NDFIP2: variants seen among roughly 807,000 people sequenced by gnomAD.
NDFIP2 encodes Nedd4 family interacting protein 2, also known as NEDD4 family-interacting protein 2.
NDFIP2 carries 19 observed loss-of-function variants against 36.0 expected under a neutral mutation model. That is an observed-to-expected ratio of 0.53 (90% CI 0.37 to 0.77). The LOEUF (loss-of-function observed/expected upper bound fraction) is 0.77, where lower values mean the gene tolerates loss of function less well. Ranked by LOEUF, NDFIP2 falls within the 30% of genes least tolerant of loss-of-function variation. NDFIP2 has a pLI of 0.00. For missense variants in NDFIP2, 446 were observed against 435.8 expected, an observed-to-expected ratio of 1.02 and a Z score of -0.21; for synonymous variants, 181 against 167.7, an observed-to-expected ratio of 1.08 and a Z score of -0.61.
intron 1 of NDFIP2, among the ~76,000 whole-genome samples, chr13:79,519,699 A>ATT (rs1874489113): frequency 6.6e-6 from 1 of 152,220 alleles, no homozygotes; most frequent in East Asian, 1.9e-4. Flanking sequence ...TTTTATTAGC[A>ATT]TTTATTAACT....
At chr13:79,539,214 G>A (rs776866455) in intron 3 of NDFIP2, among the ~76,000 whole-genome samples, 5 of 151,842 alleles carry the variant, frequency 3.3e-5, no homozygotes, top group Non-Finnish European at 5.9e-5. Flanking sequence ...GAGGGAATAT[G>A]TGTGTGTGTG....
intron 3 of NDFIP2, among the ~76,000 whole-genome samples, chr13:79,537,159 ATGCAGTAG>A (rs1161537082): frequency 6.6e-6 from 1 of 151,980 alleles, no homozygotes; most frequent in East Asian, 1.9e-4. Flanking sequence ...CTAGGCTGGA[ATGCAGTAG>A]TGCAATCTCA....
At chr13:79,516,738 G>A (rs1231717547) in intron 1 of NDFIP2, among the ~76,000 whole-genome samples, 1 of 152,014 alleles carries the variant, frequency 6.6e-6, no homozygotes, top group Non-Finnish European at 1.5e-5. Flanking sequence ...ACAAGAAGAG[G>A]TCACATTGCT....
At chr13:79,516,645 T>G (rs1874351606) in intron 1 of NDFIP2, among the ~76,000 whole-genome samples, 1 of 152,212 alleles carries the variant, frequency 6.6e-6, no homozygotes, top group Non-Finnish European at 1.5e-5. Flanking sequence ...TCACTTTTTT[T>G]TACTACTTTA....
chr13:79,485,372 C>T (rs931126471), intron 1 of NDFIP2, among the ~76,000 whole-genome samples: 11 of 152,244 alleles, frequency 7.2e-5, no homozygotes, highest in Non-Finnish European at 1.6e-4. Flanking sequence ...GCTTTACACA[C>T]ACTCAGCAAG....
chr13:79,510,200 CT>C (rs751887820), intron 1 of NDFIP2, among the ~76,000 whole-genome samples: 6 of 151,070 alleles, frequency 4.0e-5, no homozygotes, highest in African/African-American at 9.7e-5. Context: ...TAAGAGTGTA[CT>C]TTTTTTTTGA....
intron 3 of NDFIP2, among the ~76,000 whole-genome samples, chr13:79,538,902 G>C (rs991719229): frequency 6.6e-6 from 1 of 152,140 alleles, no homozygotes; most frequent in Non-Finnish European, 1.5e-5. Flanking sequence ...TTGACTCCAC[G>C]TCTCACATCC....
chr13:79,497,677 T>TC (rs530300561), intron 1 of NDFIP2, among the ~76,000 whole-genome samples: 12,506 of 147,076 alleles, frequency 0.085, 697 homozygotes, highest in Middle Eastern at 0.24. Context: ...TTTTTTTTTT[T>TC]CTATTCCTTG....
intron 6 of NDFIP2, among the ~76,000 whole-genome samples, chr13:79,549,967 T>G (rs914112676): frequency 6.6e-6 from 1 of 151,840 alleles, no homozygotes; most frequent in African/African-American, 2.4e-5. Context: ...CACACATGCT[T>G]CTTGTTTTTA....
At chr13:79,485,927 A>G (rs373068691) in intron 1 of NDFIP2, among the ~76,000 whole-genome samples, 3 of 152,262 alleles carry the variant, frequency 2.0e-5, no homozygotes, top group African/African-American at 7.2e-5. Context: ...AATTGTTTGC[A>G]TCGTGTGAAT....
Position 79,555,897 on chromosome 13 carries a change from TATC to T in NDFIP2, c.*3387_*3389del, listed in dbSNP as rs1417607011. On this transcript the variant is annotated 3_prime_UTR_variant, in exon 8 of 8. Transcript: ENST00000218652. ...CAAAATCAGTTTAAGATTCGCATAT[TATC>T]ATGACTGTGACCTCACTAAACTGTT... The T allele has an allele frequency of 1.3e-5, 2 of 152,176 alleles. No individual in the cohort carries two copies. The highest frequency in any genetic ancestry group is 2.9e-5 in the Non-Finnish European group (2 of 68,004). The allele number at this position is 152,176 out of a possible 1,614,324, so 9.4% of individuals were successfully genotyped here. A position where few individuals can be genotyped will look rare whatever the true frequency, so the allele number is the denominator to read the frequency against.
intron 3 of NDFIP2, among the ~76,000 whole-genome samples, chr13:79,533,863 A>G (rs765146894): frequency 1.3e-5 from 2 of 152,184 alleles, no homozygotes; most frequent in South Asian, 2.1e-4. Flanking sequence ...TTTCTACCGC[A>G]TGCAGGTGGG....
intron 4 of NDFIP2, among the ~76,000 whole-genome samples, chr13:79,541,254 G>A (rs58379158): frequency 0.043 from 6,516 of 151,724 alleles, 485 homozygotes; most frequent in African/African-American, 0.15. Context: ...TTATTTCTCC[G>A]TTTATTTCAC....
At chr13:79,543,130 G>A (rs1305555292) in intron 4 of NDFIP2, among the ~76,000 whole-genome samples, 1 of 152,154 alleles carries the variant, frequency 6.6e-6, no homozygotes, top group Non-Finnish European at 1.5e-5. Context: ...CCCTGCCTTG[G>A]CCTCCCAAAG....
rs1325270991 is a variant in NDFIP2 at position 79,543,417 on chromosome 13, A to G, written c.716-141A>G. Reference sequence around the variant, plus strand: ...AAGCCATTTGCAAAAAGTAGGCTATAGTCTATAAAGAAGGCTTAATTGGCA... The same window carrying G: ...AAGCCATTTGCAAAAAGTAGGCTATGGTCTATAAAGAAGGCTTAATTGGCA... On this transcript the variant is annotated intron_variant, in intron 4 of 7. Coordinates refer to ENST00000218652, the MANE Select transcript of NDFIP2 (RefSeq NM_019080.3). 5 of 1,035,706 alleles carry G rather than the reference A, an allele frequency of 4.8e-6. No homozygotes were observed. In the East Asian group the frequency reaches 9.8e-5, roughly 20 times the overall value. The allele number at this position is 1,035,706 out of a possible 1,614,324, so 64.2% of individuals were successfully genotyped here.
chr13:79,490,031 G>A (rs1199758755), intron 1 of NDFIP2, among the ~76,000 whole-genome samples: 1 of 152,154 alleles, frequency 6.6e-6, no homozygotes, highest in Non-Finnish European at 1.5e-5. Context: ...TAGTCTCCAT[G>A]TCAGGACATG....
intron 7 of NDFIP2, 66 bp from the exon 8 acceptor site, chr13:79,552,450 A>T (rs942349603): frequency 6.6e-6 from 1 of 151,894 alleles, no homozygotes; most frequent in Non-Finnish European, 1.5e-5. Flanking sequence ...AATGTGTTGT[A>T]TTATACTATG....
intron 4 of NDFIP2, among the ~76,000 whole-genome samples, chr13:79,540,440 A>G (rs987051159): frequency 6.6e-6 from 1 of 152,214 alleles, no homozygotes; most frequent in East Asian, 1.9e-4. Flanking sequence ...TGCCCAATCA[A>G]CTGTTTAAAT....
chr13:79,498,535 C>T (rs1218395347), intron 1 of NDFIP2, among the ~76,000 whole-genome samples: 1 of 150,722 alleles, frequency 6.6e-6, no homozygotes, highest in Non-Finnish European at 1.5e-5. Flanking sequence ...ATTGATTTCT[C>T]ATAGTTCTGG....
Sources: allele counts gnomAD v4.1 joint callset (sites outside exome capture counted in the v4.1 genomes callset), GRCh38; gene constraint gnomAD v4.1.1; transcripts MANE v1.5; gene names NCBI Gene and HGNC (gene_info 2026-07-23, HGNC 2026-07-21).